Variants in OTUD7B observed in about 807,000 individuals in gnomAD.
OTUD7B encodes OTU deubiquitinase 7B, also known as OTU domain-containing protein 7B.
OTUD7B carries 34 observed loss-of-function variants against 82.2 expected under a neutral mutation model. That is an observed-to-expected ratio of 0.41 (90% CI 0.31 to 0.55). OTUD7B has a LOEUF of 0.55. Among genes scored for constraint, OTUD7B ranks in the 20% least tolerant of loss-of-function variants. The pLI is 0.20. For missense variants in OTUD7B, 944 were observed against 1,062.1 expected (o/e 0.89, Z 1.55); for synonymous variants, 398 against 402.7 (o/e 0.99, Z 0.14).
At chr1:150,020,317 T>C in the OTUD7B span, among the ~76,000 whole-genome samples, 8,493 of 152,074 alleles carry the variant, frequency 0.056, 309 homozygotes, top group Non-Finnish European at 0.088. Flanking sequence ...GGGTGGATCA[T>C]TTGAGGTCAG....
chr1:149,973,182 A>C (rs1650047442), intron 2 of OTUD7B, among the ~76,000 whole-genome samples: 1 of 152,130 alleles, frequency 6.6e-6, no homozygotes, highest in African/African-American at 2.4e-5. Flanking sequence ...CTCTGCTCCT[A>C]ATCTCTTTCC....
chr1:150,034,576 C>T, the OTUD7B span, among the ~76,000 whole-genome samples: 673 of 152,310 alleles, frequency 4.4e-3, 9 homozygotes, highest in Non-Finnish European at 1.6e-3. Context: ...TCCCAGCTGA[C>T]AGAGCTACTT....
At position 149,949,773 on chromosome 1, in the gene OTUD7B, C is replaced by T; in HGVS notation, c.979G>A (p.Ala327Thr). The change falls in exon 9 of 12, where the codon GCC (alanine) becomes ACC (threonine). Residue 327 changes from alanine (A) to threonine (T), a missense_variant. By Grantham distance (58) the Ala-to-Thr change is moderately conservative. This residue lies in a region of OTUD7B where 530 missense variants were observed against 625.6 expected (regional missense o/e 0.85). Transcript: ENST00000581312. ...MLRDSGGEAFAPIPFGGIYLP... is the reference protein window; with the variant it reads ...MLRDSGGEAFTPIPFGGIYLP... ...TAGATTCCTCCAAAGGGAATAGGGG[C>T]AAATGCTGCAGGAAGCCATGAAGAT... The T allele has an allele frequency of 6.2e-7, 1 of 1,613,854 alleles. No homozygotes were observed. Among genetic ancestry groups the T allele is most frequent in the South Asian group, 1.1e-5 (1 of 91,024 alleles).
the OTUD7B span, among the ~76,000 whole-genome samples, chr1:150,029,198 A>G: frequency 1.3e-5 from 2 of 152,310 alleles, no homozygotes; most frequent in African/African-American, 4.8e-5. Flanking sequence ...ATATTTATCT[A>G]TACAGTTAAT....
At chr1:149,951,828 T>C (rs587679695) in intron 7 of OTUD7B, among the ~76,000 whole-genome samples, 1 of 152,142 alleles carries the variant, frequency 6.6e-6, no homozygotes, top group East Asian at 1.9e-4. Context: ...ATACTAGAAA[T>C]GATAATATAC....
rs1553770360 is a variant in OTUD7B at position 149,941,330 on chromosome 1, T to C, written c.*2527A>G. ...AACCCCTGGTCTGTTTTCATTCCTA[T>C]TGGTCCAGGCCACCATTCTATGATA... is the stretch of plus-strand genomic sequence containing the variant. On this transcript the variant is annotated 3_prime_UTR_variant, in exon 12 of 12. Coordinates refer to ENST00000581312, the MANE Select transcript of OTUD7B (RefSeq NM_020205.4). The C allele has an allele frequency of 6.6e-6, 1 of 152,228 alleles. No homozygotes were observed. The highest frequency in any genetic ancestry group is 2.4e-5 in the African/African-American group (1 of 41,446). The allele number at this position is 152,228 out of a possible 1,614,324, so 9.4% of individuals were successfully genotyped here.
At chr1:149,949,873 T>C (rs1648053796) in intron 8 of OTUD7B, 95 bp from the exon 9 acceptor site, 42 of 1,381,888 alleles carry the variant, frequency 3.0e-5, no homozygotes, top group Non-Finnish European at 4.0e-5. Context: ...CTCCCTGCTT[T>C]CATTCCAACA....
intron 1 of OTUD7B, among the ~76,000 whole-genome samples, chr1:149,993,544 G>C (rs1553782717): frequency 6.6e-6 from 1 of 152,124 alleles, no homozygotes; most frequent in Non-Finnish European, 1.5e-5. Flanking sequence ...AAGGTGAGAG[G>C]CTTTTTCAAT....
chr1:150,031,478 A>C, the OTUD7B span, among the ~76,000 whole-genome samples: 2 of 152,254 alleles, frequency 1.3e-5, no homozygotes, highest in African/African-American at 2.4e-5. Flanking sequence ...AAGCCAAAAG[A>C]AGCACATGCC....
At chr1:150,015,423 A>T (rs1653238788), upstream of OTUD7B, among the ~76,000 whole-genome samples, 2 of 148,340 alleles carry the variant, frequency 1.3e-5, no homozygotes, top group Admixed American at 1.3e-4. Context: ...CCTCCAGAGT[A>T]CCTGGGATTA....
chr1:150,008,562 A>AT (rs1652816770), intron 1 of OTUD7B, among the ~76,000 whole-genome samples: 1 of 152,122 alleles, frequency 6.6e-6, no homozygotes, highest in Non-Finnish European at 1.5e-5. Flanking sequence ...AAAGTTTTAC[A>AT]TTTTTTTCCG....
At chr1:149,950,919 G>C (rs1357724517) in intron 7 of OTUD7B, among the ~76,000 whole-genome samples, 11 of 146,300 alleles carry the variant, frequency 7.5e-5, no homozygotes, top group African/African-American at 2.8e-4. Context: ...AGCCTCCCGA[G>C]TAGCCGGGAC....
chr1:150,000,125 T>C (rs193127809), intron 1 of OTUD7B, among the ~76,000 whole-genome samples: 1 of 152,280 alleles, frequency 6.6e-6, no homozygotes, highest in African/African-American at 2.4e-5. Context: ...GTGGAAGAGA[T>C]AGTTTACACT....
At chr1:150,042,102 A>G in the OTUD7B span, among the ~76,000 whole-genome samples, 17,742 of 109,226 alleles carry the variant, frequency 0.16, 1,560 homozygotes, top group Non-Finnish European at 0.19. Context: ...GCAGAGGTGC[A>G]GACCCTCCCT....
chr1:150,024,128 A>T, the OTUD7B span, among the ~76,000 whole-genome samples: 1 of 152,234 alleles, frequency 6.6e-6, no homozygotes, highest in Admixed American at 6.5e-5. Context: ...CTGAGCACTT[A>T]TCTGCACAAG....
the OTUD7B span, among the ~76,000 whole-genome samples, chr1:150,046,296 T>G: frequency 1.3e-5 from 2 of 152,060 alleles, no homozygotes; most frequent in Non-Finnish European, 2.9e-5. Context: ...TCTCTCAACA[T>G]CTCCATCTCC....
At chr1:149,991,853 G>C (rs1164487513) in intron 1 of OTUD7B, among the ~76,000 whole-genome samples, 3 of 152,084 alleles carry the variant, frequency 2.0e-5, no homozygotes, top group African/African-American at 7.2e-5. Flanking sequence ...TACTCCTACA[G>C]ATGTATACCA....
chr1:150,020,160 A>G, the OTUD7B span, among the ~76,000 whole-genome samples: 20 of 152,062 alleles, frequency 1.3e-4, no homozygotes, highest in Admixed American at 2.6e-4. Flanking sequence ...CCCCAACTGT[A>G]GCTGCCTACT....
the OTUD7B span, among the ~76,000 whole-genome samples, chr1:150,022,312 C>T: frequency 4.0e-5 from 6 of 148,846 alleles, no homozygotes; most frequent in Non-Finnish European, 7.4e-5. Flanking sequence ...GCAGGAGAAT[C>T]GCTTGAAACC....
Sources: allele counts gnomAD v4.1 joint callset (sites outside exome capture counted in the v4.1 genomes callset), GRCh38; gene constraint gnomAD v4.1.1; regional missense constraint gnomAD v4.1.1; transcripts MANE v1.5; gene names NCBI Gene and HGNC (gene_info 2026-07-23, HGNC 2026-07-21).